The following ASXL3 variants were observed in gnomAD, a reference collection of about 807,000 sequenced individuals.
ASXL3 encodes putative Polycomb group protein ASXL3.
A neutral mutation model predicts 170.6 loss-of-function variants in ASXL3; 34 were observed. The ratio of observed to expected loss-of-function variants is 0.20; its 90% confidence interval spans 0.15 to 0.27. The LOEUF (loss-of-function observed/expected upper bound fraction) is 0.27, where lower values mean the gene tolerates loss of function less well. Among genes scored for constraint, ASXL3 ranks in the 10% least tolerant of loss-of-function variants. The pLI is 1.00. For synonymous variants in ASXL3, 1,002 were observed against 989.1 expected (o/e 1.01, Z -0.24); for missense variants, 2,592 against 2,695.3 (o/e 0.96, Z 0.85).
At chr18:33,699,132 A>G (rs968541917) in intron 8 of ASXL3, among the ~76,000 whole-genome samples, 9 of 152,148 alleles carry the variant, frequency 5.9e-5, no homozygotes, top group African/African-American at 2.2e-4. Flanking sequence ...GGAGAGATAC[A>G]TATATAGGCC....
At chr18:33,709,071 C>T (rs902349840) in intron 8 of ASXL3, among the ~76,000 whole-genome samples, 1 of 151,838 alleles carries the variant, frequency 6.6e-6, no homozygotes, top group South Asian at 2.1e-4. Context: ...TAAATGAAAC[C>T]ACAGTGTAAT....
At chr18:33,712,966 C>T (rs1006871676) in intron 8 of ASXL3, among the ~76,000 whole-genome samples, 2 of 152,142 alleles carry the variant, frequency 1.3e-5, no homozygotes, top group Non-Finnish European at 2.9e-5. Flanking sequence ...CACTCCTTCT[C>T]AGTGGTTGAA....
chr18:33,578,850 CTG>C, intron 1 of ASXL3, 165 bp downstream of exon 1: 3 of 331,628 alleles, frequency 9.0e-6, no homozygotes, highest in East Asian at 1.2e-4. Flanking sequence ...CCGGGGGCCC[CTG>C]TGTGTGTGCG....
At chr18:33,686,981 T>G (rs932223006) in intron 8 of ASXL3, among the ~76,000 whole-genome samples, 2 of 152,038 alleles carry the variant, frequency 1.3e-5, no homozygotes, top group African/African-American at 4.8e-5. Flanking sequence ...AGTTGAGATA[T>G]GAGATAAATG....
chr18:33,661,751 C>A lies in ASXL3; in HGVS notation c.477+14C>A. ...GCTCTTAAACAGGTAAGATAGCTGC[C>A]ATTTATTCTTTGTCCTTCAGTTCTG... On this transcript the variant is annotated intron_variant, in intron 5 of 11. Coordinates refer to ENST00000269197, the MANE Select transcript of ASXL3 (RefSeq NM_030632.3). 6.2e-7 allele frequency: 1 copy of A among 1,609,174 alleles called. No homozygotes were observed.
intron 1 of ASXL3, among the ~76,000 whole-genome samples, chr18:33,605,279 C>T (rs1243212115): frequency 1.3e-5 from 2 of 151,978 alleles, no homozygotes; most frequent in Non-Finnish European, 2.9e-5. Flanking sequence ...TGATTCATGT[C>T]TCTGCCATGT....
intron 8 of ASXL3, among the ~76,000 whole-genome samples, chr18:33,713,248 GTTTTTT>G (rs1226619353): frequency 3.5e-4 from 23 of 65,094 alleles, no homozygotes; most frequent in Non-Finnish European, 1.4e-4. Flanking sequence ...GTTTTGTTTT[GTTTTTT>G]TTTTTTTTTT....
rs369212435 is a variant in ASXL3, at chr18:33,713,341, A to AC, written c.880-18618dup. Among the ~76,000 whole-genome samples, 251 of 56,082 alleles carry AC rather than the reference A, an allele frequency of 4.5e-3. 9 individuals carry two copies. The highest frequency in any genetic ancestry group is 0.016 in the Middle Eastern group (1 of 62). 36.8% of individuals were successfully genotyped at this position (56,082 alleles called of 152,430 possible). A position where few individuals can be genotyped will look rare whatever the true frequency, so the allele number is the denominator to read the frequency against. Reference sequence around the variant, plus strand: ...ACAATCTTGGCTCACTGCAACCTCCACCCCCCCCCGGGTTCAAGTGATTCT... The same window carrying AC: ...ACAATCTTGGCTCACTGCAACCTCCACCCCCCCCCCGGGTTCAAGTGATTCT... On this transcript the variant is annotated intron_variant, in intron 8 of 11. Coordinates refer to ENST00000269197, the MANE Select transcript of ASXL3 (RefSeq NM_030632.3).
intron 4 of ASXL3, among the ~76,000 whole-genome samples, chr18:33,652,172 G>A (rs2066009152): frequency 6.6e-6 from 1 of 151,832 alleles, no homozygotes; most frequent in Non-Finnish European, 1.5e-5. Context: ...TAAATTTTAT[G>A]GTCTATTTTA....
intron 8 of ASXL3, among the ~76,000 whole-genome samples, chr18:33,719,071 G>C (rs2067215129): frequency 1.3e-5 from 2 of 152,012 alleles, no homozygotes; most frequent in African/African-American, 4.8e-5. Context: ...AAATTAAACT[G>C]AACCATGGAG....
At chr18:33,670,600 A>C in intron 5 of ASXL3, 73 bp from the exon 6 acceptor site, 11 of 1,117,214 alleles carry the variant, frequency 9.8e-6, no homozygotes, top group Middle Eastern at 3.0e-4. Flanking sequence ...TGGACAAATG[A>C]GTCACTTAAT....
intron 10 of ASXL3, among the ~76,000 whole-genome samples, chr18:33,736,418 C>A (rs1464066339): frequency 6.6e-6 from 1 of 151,878 alleles, no homozygotes; most frequent in Non-Finnish European, 1.5e-5. Context: ...TCTTTTTTAT[C>A]TTTCATCACA....
intron 8 of ASXL3, among the ~76,000 whole-genome samples, chr18:33,684,328 A>G (rs1276189974): frequency 1.3e-5 from 2 of 152,180 alleles, no homozygotes; most frequent in East Asian, 1.9e-4. Flanking sequence ...TAATGCATGT[A>G]TATTTATGAA....
At chr18:33,633,648 C>G (rs1007058227) in intron 2 of ASXL3, among the ~76,000 whole-genome samples, 1 of 151,886 alleles carries the variant, frequency 6.6e-6, no homozygotes, top group African/African-American at 2.4e-5. Context: ...TTGAGACCAT[C>G]CTGGCCAACA....
At chr18:33,655,738 C>CA (rs2066073353) in intron 4 of ASXL3, among the ~76,000 whole-genome samples, 1 of 151,834 alleles carries the variant, frequency 6.6e-6, no homozygotes, top group Non-Finnish European at 1.5e-5. Context: ...TGTATATATC[C>CA]AAAATATCTG....
At chr18:33,721,967 TAATG>T (rs2067268771) in intron 8 of ASXL3, among the ~76,000 whole-genome samples, 1 of 152,056 alleles carries the variant, frequency 6.6e-6, no homozygotes, top group Non-Finnish European at 1.5e-5. Flanking sequence ...TAAAATATGA[TAATG>T]TATTATTATA....
At chr18:33,627,811 C>G (rs113501663) in intron 2 of ASXL3, among the ~76,000 whole-genome samples, 1 of 152,082 alleles carries the variant, frequency 6.6e-6, no homozygotes, top group Non-Finnish European at 1.5e-5. Context: ...TAGAGTTTCT[C>G]CAATTTTGAA....
At chr18:33,597,528 G>A (rs1380398686) in intron 1 of ASXL3, among the ~76,000 whole-genome samples, 1 of 152,060 alleles carries the variant, frequency 6.6e-6, no homozygotes, top group African/African-American at 2.4e-5. Context: ...ATGCAGGATA[G>A]GCTGTGAATT....
At chr18:33,609,038 G>A in intron 2 of ASXL3, 4 of 984,966 alleles carry the variant, frequency 4.1e-6, no homozygotes, top group Non-Finnish European at 4.8e-6. Flanking sequence ...GTTTGTGCTA[G>A]TTGTTCCCCC....
Sources: gnomAD v4.1 joint callset for allele counts (sites outside exome capture counted in the v4.1 genomes callset) on GRCh38, gnomAD v4.1.1 for gene constraint, MANE v1.5 for transcripts, NCBI Gene and HGNC (gene_info 2026-07-23, HGNC 2026-07-21) for gene names.